The following NPFFR2 variants were observed in gnomAD, a reference collection of about 807,000 sequenced individuals.
NPFFR2 encodes the protein neuropeptide FF receptor 2.
In NPFFR2, 15 loss-of-function variants were observed where a neutral mutation model predicts 13.1. That is an observed-to-expected ratio of 1.15 (90% CI 0.77 to 1.76). The LOEUF (loss-of-function observed/expected upper bound fraction) is 1.76, where lower values mean the gene tolerates loss of function less well. Among genes scored for constraint, NPFFR2 ranks in the 40% most tolerant of loss-of-function variants. The probability of loss-of-function intolerance (pLI) is 0.00; values close to 1 mark genes in which losing one functional copy is unlikely to be tolerated. For synonymous variants in NPFFR2, 190 were observed against 175.7 expected, an observed-to-expected ratio of 1.08 and a Z score of -0.65; for missense variants, 572 against 503.5, an observed-to-expected ratio of 1.14 and a Z score of -1.30.
chr4:72,127,355 C>CTTTTTTTTTTTTTTTTT lies in NPFFR2; in HGVS notation c.-7-1226_-7-1225insTTTTTTTTTTTTTTTTT, dbSNP rs1341571145. On this transcript the variant is annotated intron_variant, in intron 1 of 3. Coordinates refer to ENST00000308744, the MANE Select transcript of NPFFR2 (RefSeq NM_004885.3). Reference sequence around the variant, plus strand: ...AAGTCATACAGATTCTAAATAATTTCTTTTCTTTTTTTTTTTTTTTTTTTT... The same window carrying CTTTTTTTTTTTTTTTTT: ...AAGTCATACAGATTCTAAATAATTTCTTTTTTTTTTTTTTTTTTTTTCTTTTTTTTTTTTTTTTTTTT... Among the ~76,000 whole-genome samples the CTTTTTTTTTTTTTTTTT allele has an allele frequency of 1.0e-3, 92 of 91,194 alleles. 16 individuals carry two copies. Among genetic ancestry groups the CTTTTTTTTTTTTTTTTT allele is most frequent in the African/African-American group, 4.1e-3 (89 of 21,700 alleles). The allele number at this position is 91,194 out of a possible 152,430, so 59.8% of individuals were successfully genotyped here. A position where few individuals can be genotyped will look rare whatever the true frequency, so the allele number is the denominator to read the frequency against.
chr4:72,078,773 T>C (rs1170006134), intron 1 of NPFFR2, among the ~76,000 whole-genome samples: 1 of 152,074 alleles, frequency 6.6e-6, no homozygotes, highest in African/African-American at 2.4e-5. Flanking sequence ...CATACCCAAA[T>C]TTTTGACAAA....
intron 2 of NPFFR2, among the ~76,000 whole-genome samples, chr4:72,132,252 G>T (rs28785224): frequency 0.044 from 6,669 of 151,862 alleles, 407 homozygotes; most frequent in African/African-American, 0.14. Flanking sequence ...ATGTAGTATT[G>T]GGTTTCCTGT....
intron 1 of NPFFR2, among the ~76,000 whole-genome samples, chr4:72,055,680 A>G (rs10012824): frequency 0.89 from 135,209 of 151,734 alleles, 61,356 homozygotes; most frequent in Non-Finnish European, 0.98. Flanking sequence ...CTCTTGAGCC[A>G]AACAGCTAGC....
Position 72,147,362 on chromosome 4 carries a change from G to T in NPFFR2, c.813G>T (p.Lys271Asn). Residue 271 changes from lysine (K) to asparagine (N), a missense_variant, in exon 4 of 4, where the codon AAG becomes AAT. Physicochemically the swap from Lys to Asn is moderately conservative, Grantham distance 94 (BLOSUM62 0). Transcript: ENST00000308744. ...QWHVVSRKKQ[K>N]IIKMLLIVAL... The stretch of plus-strand genomic sequence containing the variant: ...ACGTGGTGTCCAGGAAGAAGCAGAA[G>T]ATCATTAAGATGCTCCTGATTGTGG... 4 of 1,614,194 alleles carry T rather than the reference G, an allele frequency of 2.5e-6. No homozygotes were observed. Among genetic ancestry groups the T allele is most frequent in the Non-Finnish European group, 3.4e-6 (4 of 1,180,046 alleles).
intron 1 of NPFFR2, among the ~76,000 whole-genome samples, chr4:72,105,148 A>G (rs1279899639): frequency 1.3e-5 from 2 of 151,664 alleles, no homozygotes; most frequent in Non-Finnish European, 2.9e-5. Flanking sequence ...AATTAAGGAG[A>G]AAGTAGCCAA....
intron 3 of NPFFR2, among the ~76,000 whole-genome samples, chr4:72,141,686 G>A (rs940069663): frequency 1.3e-5 from 2 of 152,036 alleles, no homozygotes; most frequent in African/African-American, 4.8e-5. Flanking sequence ...CCAACTATGT[G>A]GTCAGTTTTG....
chr4:72,112,277 T>G (rs967413522), intron 1 of NPFFR2, among the ~76,000 whole-genome samples: 7 of 152,034 alleles, frequency 4.6e-5, no homozygotes, highest in Admixed American at 3.3e-4. Flanking sequence ...CTCCCCACCT[T>G]CCAAATGTGG....
At chr4:72,136,493 G>C (rs1722416757) in intron 2 of NPFFR2, among the ~76,000 whole-genome samples, 1 of 152,212 alleles carries the variant, frequency 6.6e-6, no homozygotes, top group Non-Finnish European at 1.5e-5. Flanking sequence ...AGTTCTGCAT[G>C]CCTGGAGGAT....
At chr4:72,123,381 T>C (rs376468540) in intron 1 of NPFFR2, among the ~76,000 whole-genome samples, 2 of 151,910 alleles carry the variant, frequency 1.3e-5, no homozygotes, top group African/African-American at 2.4e-5. Flanking sequence ...TTCCAAACAA[T>C]AGAAAAAGAG....
chr4:72,047,940 G>C (rs958092574), intron 1 of NPFFR2, among the ~76,000 whole-genome samples: 1 of 152,080 alleles, frequency 6.6e-6, no homozygotes, highest in Non-Finnish European at 1.5e-5. Flanking sequence ...TCTAGGGACT[G>C]TGGGCAAGGA....
chr4:72,082,210 G>A (rs1376134006), intron 1 of NPFFR2, among the ~76,000 whole-genome samples: 1 of 152,146 alleles, frequency 6.6e-6, no homozygotes, highest in Non-Finnish European at 1.5e-5. Context: ...TATGGAACCT[G>A]ATGTAGAGAC....
chr4:72,127,032 G>A (rs1030930915), intron 1 of NPFFR2, among the ~76,000 whole-genome samples: 2 of 152,026 alleles, frequency 1.3e-5, no homozygotes, highest in African/African-American at 2.4e-5. Flanking sequence ...GCCGGGTGCG[G>A]TGGCTCACGC....
At chr4:72,067,851 A>G (rs1053949923) in intron 1 of NPFFR2, among the ~76,000 whole-genome samples, 3 of 152,152 alleles carry the variant, frequency 2.0e-5, no homozygotes, top group African/African-American at 7.2e-5. Context: ...TCTTATTTCC[A>G]TCTGAGACTT....
intron 3 of NPFFR2, among the ~76,000 whole-genome samples, chr4:72,144,274 C>A (rs1722712165): frequency 6.6e-6 from 1 of 152,098 alleles, no homozygotes. Context: ...GGTACCTGGA[C>A]TTCTTATATG....
intron 1 of NPFFR2, among the ~76,000 whole-genome samples, chr4:72,061,283 A>C (rs1488696603): frequency 6.6e-6 from 1 of 152,164 alleles, no homozygotes; most frequent in African/African-American, 2.4e-5. Context: ...TCACCTTCCA[A>C]ATCTCATAAC....
intron 1 of NPFFR2, among the ~76,000 whole-genome samples, chr4:72,048,636 A>G (rs1406794104): frequency 6.6e-6 from 1 of 152,120 alleles, no homozygotes; most frequent in Non-Finnish European, 1.5e-5. Context: ...TTCTTGTGTG[A>G]GAAAATTATA....
At chr4:72,111,765 T>C (rs1336081918) in intron 1 of NPFFR2, among the ~76,000 whole-genome samples, 4 of 152,022 alleles carry the variant, frequency 2.6e-5, no homozygotes, top group African/African-American at 9.7e-5. Context: ...TAGCACATAA[T>C]ATCTATCCCA....
intron 1 of NPFFR2, among the ~76,000 whole-genome samples, chr4:72,095,284 G>A (rs1457361813): frequency 6.6e-6 from 1 of 152,160 alleles, no homozygotes; most frequent in Admixed American, 6.5e-5. Flanking sequence ...AGAACTAATT[G>A]TGTGCATCTT....
intron 1 of NPFFR2, among the ~76,000 whole-genome samples, chr4:72,032,506 T>C (rs1270766683): frequency 6.6e-6 from 1 of 152,190 alleles, no homozygotes; most frequent in Non-Finnish European, 1.5e-5. Context: ...GGGGCTGTAT[T>C]GTGTTGTAAC....
Sources: gnomAD v4.1 joint callset for allele counts (sites outside exome capture counted in the v4.1 genomes callset) on GRCh38, gnomAD v4.1.1 for gene constraint, MANE v1.5 for transcripts, NCBI Gene and HGNC (gene_info 2026-07-23, HGNC 2026-07-21) for gene names.